The following IL1RAPL2 variants were observed in gnomAD, a reference collection of about 807,000 sequenced individuals.
The protein encoded by IL1RAPL2 is interleukin 1 receptor accessory protein like 2.
A neutral mutation model predicts 44.1 loss-of-function variants in IL1RAPL2; 3 were observed. The observed-to-expected ratio is 0.07, with a 90% CI of 0.03 to 0.18. The LOEUF (loss-of-function observed/expected upper bound fraction) is 0.18, where lower values mean the gene tolerates loss of function less well. Ranked by LOEUF, IL1RAPL2 falls within the 10% of genes least tolerant of loss-of-function variation. The pLI is 1.00. For missense variants in IL1RAPL2, 391 were observed against 496.4 expected (o/e 0.79, Z 2.02); for synonymous variants, 181 against 178.8 (o/e 1.01, Z -0.10).
At chrX:104,657,317 C>T (rs1011137884) in intron 1 of IL1RAPL2, among the ~76,000 whole-genome samples, 4 of 111,162 alleles carry the variant, frequency 3.6e-5, no homozygotes, top group African/African-American at 1.3e-4. Flanking sequence ...GAAATAACAC[C>T]ACACATCTAC....
intron 4 of IL1RAPL2, among the ~76,000 whole-genome samples, chrX:105,247,921 C>T (rs969086249): frequency 9.1e-6 from 1 of 109,593 alleles, no homozygotes; most frequent in Non-Finnish European, 1.9e-5. Flanking sequence ...ATTTTCCCTT[C>T]TCTAATTTTT....
chrX:105,447,896 A>T (rs915885318), intron 5 of IL1RAPL2, among the ~76,000 whole-genome samples: 1 of 95,184 alleles, frequency 1.1e-5, no homozygotes, highest in African/African-American at 3.8e-5. Flanking sequence ...ATAAATATAT[A>T]TAAATATGTT....
chrX:105,289,279 T>C (rs139276222), intron 5 of IL1RAPL2, among the ~76,000 whole-genome samples: 5,181 of 110,160 alleles, frequency 0.047, 143 homozygotes, highest in Non-Finnish European at 0.074. Flanking sequence ...TGTAGGGCTA[T>C]GCAGGCCATT....
intron 6 of IL1RAPL2, among the ~76,000 whole-genome samples, chrX:105,582,930 T>C (rs886588730): frequency 1.8e-5 from 2 of 110,779 alleles, no homozygotes; most frequent in African/African-American, 6.5e-5. Context: ...ATGTACTTTT[T>C]ATTTCTTGAA....
chrX:105,016,716 C>T (rs989201456), intron 2 of IL1RAPL2, among the ~76,000 whole-genome samples: 1 of 111,479 alleles, frequency 9.0e-6, no homozygotes, highest in African/African-American at 3.3e-5. Context: ...TTTAGTTTGC[C>T]AGTATTTTAT....
intron 5 of IL1RAPL2, among the ~76,000 whole-genome samples, chrX:105,458,637 A>G (rs1447765161): frequency 3.6e-5 from 4 of 111,259 alleles, no homozygotes; most frequent in African/African-American, 9.8e-5. Flanking sequence ...AAAGCCCTCT[A>G]TGGCCATCTC....
chrX:104,878,685 C>T (rs766210020), intron 2 of IL1RAPL2, among the ~76,000 whole-genome samples: 5 of 111,913 alleles, frequency 4.5e-5, no homozygotes, highest in Non-Finnish European at 9.4e-5. Context: ...GATATCTTTC[C>T]TACTGAATTG....
At chrX:104,806,776 A>G (rs992979342) in intron 2 of IL1RAPL2, among the ~76,000 whole-genome samples, 21 of 111,926 alleles carry the variant, frequency 1.9e-4, no homozygotes, top group African/African-American at 6.5e-4. Flanking sequence ...TGAGAATGGT[A>G]TACCTGAGAG....
At chrX:104,900,918 C>T (rs1923794058) in intron 2 of IL1RAPL2, among the ~76,000 whole-genome samples, 1 of 111,213 alleles carries the variant, frequency 9.0e-6, no homozygotes, top group Non-Finnish European at 1.9e-5. Context: ...CTACTAAAAT[C>T]AGTTTCAAGG....
chrX:104,752,724 G>A (rs965248311), intron 2 of IL1RAPL2, among the ~76,000 whole-genome samples: 4 of 110,694 alleles, frequency 3.6e-5, no homozygotes, highest in Non-Finnish European at 5.7e-5. Context: ...GTGTGGGTGC[G>A]TTTTCTTGGT....
intron 2 of IL1RAPL2, among the ~76,000 whole-genome samples, chrX:105,076,511 T>C (rs1406217113): frequency 9.0e-6 from 1 of 111,632 alleles, no homozygotes; most frequent in Non-Finnish European, 1.9e-5. Flanking sequence ...GAAAATAATG[T>C]ATATTCTGTT....
At chrX:104,905,390 C>CT (rs1923957764) in intron 2 of IL1RAPL2, among the ~76,000 whole-genome samples, 2 of 111,378 alleles carry the variant, frequency 1.8e-5, no homozygotes, top group Non-Finnish European at 3.8e-5. Flanking sequence ...TGTCTATGTC[C>CT]TGAATGGTAA....
intron 3 of IL1RAPL2, among the ~76,000 whole-genome samples, chrX:105,223,909 AT>A (rs2033990765): frequency 9.0e-6 from 1 of 111,517 alleles, no homozygotes; most frequent in African/African-American, 3.3e-5. Flanking sequence ...GAGATAATAA[AT>A]GCAGTTTTGG....
intron 6 of IL1RAPL2, among the ~76,000 whole-genome samples, chrX:105,594,407 A>C (rs976449832): frequency 2.7e-5 from 3 of 111,868 alleles, no homozygotes; most frequent in African/African-American, 9.7e-5. Context: ...GTAACCTATA[A>C]AATAATCCAG....
chrX:105,758,004 C>T (rs983314288), intron 10 of IL1RAPL2, among the ~76,000 whole-genome samples: 1 of 111,110 alleles, frequency 9.0e-6, no homozygotes, highest in African/African-American at 3.3e-5. Flanking sequence ...ATTAAAGAAG[C>T]TTCTGTGGTC....
chrX:105,022,027 AC>A (rs1476794527), intron 2 of IL1RAPL2, among the ~76,000 whole-genome samples: 1 of 110,339 alleles, frequency 9.1e-6, no homozygotes, highest in Non-Finnish European at 1.9e-5. Context: ...ATACTTCTGA[AC>A]CCTCTGTATA....
intron 2 of IL1RAPL2, among the ~76,000 whole-genome samples, chrX:105,065,154 A>T (rs764015089): frequency 9.6e-4 from 108 of 112,324 alleles, no homozygotes; most frequent in African/African-American, 3.3e-3. Flanking sequence ...TTAATGGAAT[A>T]TCTAGCCCCT....
chrX:104,914,274 G>T (rs1924341156), intron 2 of IL1RAPL2, among the ~76,000 whole-genome samples: 1 of 111,879 alleles, frequency 8.9e-6, no homozygotes, highest in African/African-American at 3.2e-5. Context: ...TTAGGAGCAG[G>T]TTTGGTTAGA....
intron 2 of IL1RAPL2, among the ~76,000 whole-genome samples, chrX:104,677,892 G>C (rs188507328): frequency 8.9e-6 from 1 of 112,228 alleles, no homozygotes; most frequent in Admixed American, 9.3e-5. Context: ...TCTTTGACTC[G>C]GAAAGGGAAC....
Sources: allele counts gnomAD v4.1 joint callset (sites outside exome capture counted in the v4.1 genomes callset), GRCh38; gene constraint gnomAD v4.1.1; transcripts MANE v1.5; gene names NCBI Gene and HGNC (gene_info 2026-07-23, HGNC 2026-07-21).